Variants in MYH7B observed in about 807,000 individuals in gnomAD.
The protein encoded by MYH7B is myosin-7B.
Under a neutral mutation model 234.5 loss-of-function variants are expected in MYH7B, and 205 were observed. The observed-to-expected ratio is 0.87, with a 90% CI of 0.78 to 0.98. The LOEUF is 0.98. MYH7B is among the 50% of genes least tolerant of loss of function. The pLI is 0.00. For synonymous variants in MYH7B, 1,193 were observed against 1,105.0 expected, an observed-to-expected ratio of 1.08 and a Z score of -1.58; for missense variants, 2,652 against 2,633.4, an observed-to-expected ratio of 1.01 and a Z score of -0.15.
Position 34,985,137 on chromosome 20 carries a change from A to AG in MYH7B, c.805+8_805+9insG. The AG allele has an allele frequency of 1.2e-6, 2 of 1,613,428 alleles. No homozygotes were observed. Among genetic ancestry groups the AG allele is most frequent in the Non-Finnish European group, 1.7e-6 (2 of 1,179,524 alleles). ...CCGCGGATATTGACAGCTGTGAGTCAACCCCCTGCGGGCGGTGCAGGGGAA... is the reference window on the plus strand; with the variant it reads ...CCGCGGATATTGACAGCTGTGAGTCAGACCCCCTGCGGGCGGTGCAGGGGAA... On this transcript the variant is annotated intron_variant, in intron 13 of 44. Transcript: ENST00000262873.
chr20:34,991,199 A>G (rs1289898835), intron 24 of MYH7B, 78 bp downstream of exon 24: 2 of 1,003,474 alleles, frequency 2.0e-6, no homozygotes, highest in Non-Finnish European at 3.0e-6. Context: ...ATCAGAGCCC[A>G]ACAGACGGTC....
At chr20:34,999,380 C>G in exon 36 of MYH7B, 1 of 1,526,420 alleles carries the variant, frequency 6.6e-7, no homozygotes, top group Admixed American at 2.1e-5. Context: ...TGGAGACGCT[C>G]AAGCGGGAGA....
chr20:35,001,606 A>G (rs2082386017), intron 43 of MYH7B, 80 bp downstream of exon 43: 3 of 1,261,912 alleles, frequency 2.4e-6, no homozygotes, highest in Non-Finnish European at 3.4e-6. Flanking sequence ...AGGCATCAGC[A>G]GCAGCTCCAC....
chr20:34,957,594 A>C (rs1355317887), intron 1 of MYH7B, among the ~76,000 whole-genome samples: 1 of 150,244 alleles, frequency 6.7e-6, no homozygotes. Context: ...GGTTCAAGCA[A>C]TTCTCCTGCC....
chr20:34,974,031 T>A (rs1439477523), intron 2 of MYH7B, among the ~76,000 whole-genome samples: 1 of 150,744 alleles, frequency 6.6e-6, no homozygotes, highest in Admixed American at 6.6e-5. Context: ...TTCAAGTGAT[T>A]CTCCTGCCTC....
At chr20:34,995,512 G>A in exon 28 of MYH7B, 1 of 1,614,222 alleles carries the variant, frequency 6.2e-7, no homozygotes, top group Non-Finnish European at 8.5e-7. Context: ...AGCTCAAGAA[G>A]GACATTGATG....
chr20:34,961,412 C>T (rs890749282), intron 2 of MYH7B, among the ~76,000 whole-genome samples: 1 of 152,060 alleles, frequency 6.6e-6, no homozygotes, highest in Admixed American at 6.6e-5. Flanking sequence ...CTTTTTGTTT[C>T]CCTCCATGAC....
At position 34,971,568 on chromosome 20, in the gene MYH7B, G is replaced by A. The variant is rs2081794132; in HGVS notation, c.-221-3832G>A. 2.0e-5 allele frequency among the ~76,000 whole-genome samples: 3 copies of A among 152,286 alleles called. No individual in the cohort carries two copies. The South Asian group carries it at 6.2e-4, about 32-fold the overall frequency. On this transcript the variant is annotated intron_variant, in intron 2 of 44. Transcript: ENST00000262873. ...AGGGCCCCAGGAGGGGTACAAACCT[G>A]GGACAAGCAGGGGCCCAACCACCCC... is the stretch of plus-strand genomic sequence containing the variant.
intron 5 of MYH7B, 39 bp downstream of exon 5, chr20:34,978,135 G>C: frequency 6.2e-7 from 1 of 1,612,036 alleles, no homozygotes. Flanking sequence ...TAGCCACAGA[G>C]ATGCCCTTAT....
rs771571275 is a variant in MYH7B, at chr20:34,987,603, C to A, written c.1194C>A (p.Leu398=). 5 of 1,614,116 alleles carry A rather than the reference C, an allele frequency of 3.1e-6. No individual in the cohort carries two copies. The highest frequency in any genetic ancestry group is 4.2e-6 in the Non-Finnish European group (5 of 1,180,008). ...TGATGGGGGTCAGCAGTGGGGACCT[C>A]CTCAAAGGCCTTTTGCACCCCCGGG... Residue 398 remains leucine (L), a synonymous_variant, in exon 17 of 45, where the codon CTC becomes CTA. Transcript: ENST00000262873.
intron 36 of MYH7B, 64 bp from the exon 37 acceptor site, chr20:34,999,507 G>A (rs1331027593): frequency 1.3e-6 from 2 of 1,539,462 alleles, no homozygotes; most frequent in Non-Finnish European, 1.7e-6. Context: ...TCAGGGGTGA[G>A]TGGAGTGACC....
At chr20:34,987,320 C>A in intron 16 of MYH7B, 33 bp downstream of exon 16, 1 of 1,606,168 alleles carries the variant, frequency 6.2e-7, no homozygotes, top group Non-Finnish European at 8.5e-7. Flanking sequence ...TCAACTTGAC[C>A]CAGACCTCAG....
intron 28 of MYH7B, among the ~76,000 whole-genome samples, 168 bp from the exon 29 acceptor site, chr20:34,996,178 C>G (rs2082252168): frequency 6.6e-6 from 1 of 152,202 alleles, no homozygotes; most frequent in African/African-American, 2.4e-5. Context: ...CTCATTACAA[C>G]CCCATGAGGA....
At chr20:34,983,161 C>T (rs909442669) in intron 10 of MYH7B, among the ~76,000 whole-genome samples, 8 of 152,152 alleles carry the variant, frequency 5.3e-5, no homozygotes, top group African/African-American at 7.2e-5. Context: ...TCCAGAAGCC[C>T]GAGGCCTCCC....
chr20:34,997,669 A>G (rs1436748138), intron 32 of MYH7B, 29 bp downstream of exon 32: 2 of 1,607,570 alleles, frequency 1.2e-6, no homozygotes, highest in African/African-American at 2.7e-5. Flanking sequence ...CCCCATACCC[A>G]CCCTGACTTT....
Position 35,000,616 on chromosome 20 carries a change from G to A in MYH7B, c.5105G>A (p.Gly1702Asp), listed in dbSNP as rs202198515. The A allele has an allele frequency of 9.5e-6, 15 of 1,573,948 alleles. No homozygotes were observed. The Admixed American group carries it at 2.5e-4, about 26-fold the overall frequency. ...GAGCTGCGGGCTGCCCTGGAGCAGG[G>A]CGAGCGCAGCCGGCGACTGGCAGAG... The change falls in exon 39 of 45, where the codon GGC becomes GAC. Residue 1702 changes from glycine to aspartate, a missense_variant. Physicochemically the swap from Gly to Asp is moderately conservative, Grantham distance 94. Around this residue, in one of 3 missense-constraint regions of MYH7B, gnomAD observed 2,279 missense variants for 2,211.4 expected, o/e 1.03. Coordinates refer to ENST00000262873, the Ensembl canonical transcript of MYH7B.
rs2082141519 is a variant in MYH7B, at chr20:34,991,175, G to A, written c.2183+54G>A. The A allele has an allele frequency of 4.6e-6, 6 of 1,303,416 alleles. No homozygotes were observed. In the South Asian group the frequency reaches 7.9e-5, roughly 17 times the overall value. 80.7% of individuals were successfully genotyped at this position (1,303,416 alleles called of 1,614,324 possible). On this transcript the variant is annotated intron_variant, in intron 24 of 44. Transcript: ENST00000262873. ...CTCCAGGTGGAGGCCTGAGGGGCTG[G>A]GCAGGACACACATATCAGAGCCCAA...
At chr20:34,956,422 T>A (rs982605525) in intron 1 of MYH7B, among the ~76,000 whole-genome samples, 1 of 152,140 alleles carries the variant, frequency 6.6e-6, no homozygotes, top group Admixed American at 6.6e-5. Context: ...AATATGCGGA[T>A]TCATGATTCC....
intron 28 of MYH7B, 107 bp downstream of exon 28, chr20:34,995,685 C>T: frequency 6.7e-7 from 1 of 1,497,122 alleles, no homozygotes; most frequent in Non-Finnish European, 8.9e-7. Flanking sequence ...GCTTTCTGGC[C>T]CTGGGCATGT....
Sources: allele counts gnomAD v4.1 joint callset (sites outside exome capture counted in the v4.1 genomes callset), GRCh38; gene constraint gnomAD v4.1.1; regional missense constraint gnomAD v4.1.1; transcripts MANE v1.5; gene names NCBI Gene and HGNC (gene_info 2026-07-23, HGNC 2026-07-21).